The following SLC2A13 variants were observed in gnomAD, a reference collection of about 807,000 sequenced individuals.
SLC2A13 encodes proton myo-inositol cotransporter.
A neutral mutation model predicts 64.4 loss-of-function variants in SLC2A13; 32 were observed. That is an observed-to-expected ratio of 0.50 (90% CI 0.37 to 0.67). SLC2A13 has a LOEUF of 0.67. SLC2A13 is among the 30% of genes least tolerant of loss of function. The probability of loss-of-function intolerance (pLI) is 0.00; values close to 1 mark genes in which losing one functional copy is unlikely to be tolerated. For missense variants in SLC2A13, 743 were observed against 829.2 expected (o/e 0.90, Z 1.28); for synonymous variants, 338 against 327.1 (o/e 1.03, Z -0.36).
chr12:39,995,890 C>T (rs1430004205), intron 3 of SLC2A13, among the ~76,000 whole-genome samples: 3 of 152,222 alleles, frequency 2.0e-5, no homozygotes, highest in African/African-American at 7.2e-5. Flanking sequence ...CTTGCTCCTC[C>T]CTGCCTTCTG....
chr12:40,080,804 C>A (rs1426758527), intron 1 of SLC2A13, among the ~76,000 whole-genome samples: 1 of 152,180 alleles, frequency 6.6e-6, no homozygotes, highest in Non-Finnish European at 1.5e-5. Flanking sequence ...TGTCAGTGGG[C>A]TAGGTACTTA....
At chr12:39,888,168 C>A (rs946394452) in intron 4 of SLC2A13, among the ~76,000 whole-genome samples, 1 of 152,004 alleles carries the variant, frequency 6.6e-6, no homozygotes, top group African/African-American at 2.4e-5. Context: ...TGCTGCCTGC[C>A]CAGTTCATGG....
intron 3 of SLC2A13, among the ~76,000 whole-genome samples, chr12:40,026,485 A>T (rs140003450): frequency 6.0e-4 from 92 of 152,346 alleles, no homozygotes; most frequent in Admixed American, 9.8e-4. Flanking sequence ...ATTTGGTTAT[A>T]TATTCCGAAT....
rs28370732 is a variant in SLC2A13, at chr12:39,977,608, T to C, written c.926-26243A>G. 7.9e-3 allele frequency among the ~76,000 whole-genome samples: 1,208 copies of C among 152,356 alleles called. 8 individuals are homozygous for C. Among genetic ancestry groups the C allele is most frequent in the African/African-American group, 0.027 (1,126 of 41,588 alleles). On this transcript the variant is annotated intron_variant, in intron 3 of 9. Transcript: ENST00000280871. ...GGAGGGAGGTTACAAAATTATTTCC[T>C]TGATGTTGCTACAGCTCAAAATATA...
At chr12:40,084,660 A>G (rs1026234346) in intron 1 of SLC2A13, among the ~76,000 whole-genome samples, 2 of 152,168 alleles carry the variant, frequency 1.3e-5, no homozygotes, top group African/African-American at 4.8e-5. Context: ...TTTTTTTTAA[A>G]TGAATTCATG....
In SLC2A13 at chr12:39,838,519, A is replaced by C. The variant is rs1159931970; in HGVS notation, c.1320-8291T>G. ...AAAAAAATAAATTAAAAAAAAAAAAAAGAAAGGGAGAAAATCTCTGACTTT... is the reference window on the plus strand; with the variant it reads ...AAAAAAATAAATTAAAAAAAAAAAACAGAAAGGGAGAAAATCTCTGACTTT... On this transcript the variant is annotated intron_variant, in intron 6 of 9. Transcript: ENST00000280871. Among the ~76,000 whole-genome samples, 3 of 133,958 alleles carry C rather than the reference A, an allele frequency of 2.2e-5. No individual in the cohort carries two copies. The South Asian group carries it at 7.2e-4, about 32-fold the overall frequency. 87.9% of individuals were successfully genotyped at this position (133,958 alleles called of 152,430 possible).
At chr12:40,041,514 C>T (rs1948090092) in intron 2 of SLC2A13, among the ~76,000 whole-genome samples, 1 of 152,224 alleles carries the variant, frequency 6.6e-6, no homozygotes, top group Admixed American at 6.6e-5. Context: ...CTATATCCAT[C>T]ATTTATTCAA....
intron 3 of SLC2A13, among the ~76,000 whole-genome samples, chr12:39,961,520 A>G (rs1193884936): frequency 6.6e-6 from 1 of 152,142 alleles, no homozygotes; most frequent in Non-Finnish European, 1.5e-5. Flanking sequence ...TTTGTTTATG[A>G]CAGGGTCTCA....
At chr12:40,074,091 A>G (rs905565326) in intron 1 of SLC2A13, among the ~76,000 whole-genome samples, 16 of 150,838 alleles carry the variant, frequency 1.1e-4, no homozygotes, top group African/African-American at 3.9e-4. Flanking sequence ...GTTTTGGAGG[A>G]TTCTTTTAAA....
Position 40,072,596 on chromosome 12 carries a change from G to C in SLC2A13, c.557-24386C>G, listed in dbSNP as rs558771460. Among the ~76,000 whole-genome samples, 34 of 152,158 alleles carry C rather than the reference G, an allele frequency of 2.2e-4. 1 individual carries two copies. The South Asian group carries it at 7.0e-3, about 32-fold the overall frequency. On this transcript the variant is annotated intron_variant, in intron 1 of 9. Coordinates refer to ENST00000280871, the MANE Select transcript of SLC2A13 (RefSeq NM_052885.4). ...TATTAGGCACATAAGGTAAATTGGA[G>C]AACTAACACTTTTACCATTATAGAA...
intron 4 of SLC2A13, among the ~76,000 whole-genome samples, chr12:39,902,845 T>C (rs1945169060): frequency 6.6e-6 from 1 of 152,112 alleles, no homozygotes; most frequent in African/African-American, 2.4e-5. Context: ...ACATTCAAAC[T>C]CAAAGAAATA....
intron 4 of SLC2A13, among the ~76,000 whole-genome samples, chr12:39,945,310 T>C (rs35985096): frequency 0.11 from 16,376 of 152,162 alleles, 937 homozygotes; most frequent in Non-Finnish European, 0.14. Context: ...CATCTTAACT[T>C]TGGGTAACCT....
At chr12:40,101,722 C>T (rs1458134768) in intron 1 of SLC2A13, among the ~76,000 whole-genome samples, 1 of 152,168 alleles carries the variant, frequency 6.6e-6, no homozygotes, top group East Asian at 1.9e-4. Context: ...CCTCACTCAT[C>T]TATGCTTCAA....
intron 4 of SLC2A13, among the ~76,000 whole-genome samples, chr12:39,896,208 GTATA>G (rs1395094380): frequency 6.8e-6 from 1 of 146,730 alleles, no homozygotes; most frequent in East Asian, 2.0e-4. Context: ...ATGTATACAT[GTATA>G]TACGTATACA....
At chr12:39,824,744 AC>A (rs1942622833) in intron 7 of SLC2A13, among the ~76,000 whole-genome samples, 1 of 152,116 alleles carries the variant, frequency 6.6e-6, no homozygotes, top group South Asian at 2.1e-4. Flanking sequence ...ATAGTATGCT[AC>A]ATCCAGGGGA....
rs533326684 is a variant in SLC2A13, at chr12:40,015,393, A to G, written c.925+12908T>C. Among the ~76,000 whole-genome samples the G allele has an allele frequency of 3.9e-5, 6 of 152,328 alleles. No individual in the cohort carries two copies. The East Asian group carries it at 1.2e-3, about 29-fold the overall frequency. On this transcript the variant is annotated intron_variant, in intron 3 of 9. Transcript: ENST00000280871. ...TTCCTTATCAGAACAAGCCTCTGAC[A>G]TCAAGATCCTGTTAATAATTAGGTC...
At chr12:39,829,916 T>C (rs1160532379) in intron 7 of SLC2A13, 187 bp downstream of exon 7, 1 of 745,758 alleles carries the variant, frequency 1.3e-6, no homozygotes, top group Non-Finnish European at 2.1e-6. Flanking sequence ...CTGAGTGCTT[T>C]CTACTCTGTG....
At chr12:39,964,388 A>C (rs1946468800) in intron 3 of SLC2A13, among the ~76,000 whole-genome samples, 1 of 152,246 alleles carries the variant, frequency 6.6e-6, no homozygotes, top group Non-Finnish European at 1.5e-5. Context: ...GTAAAGCATT[A>C]CGTTCATGGA....
intron 6 of SLC2A13, among the ~76,000 whole-genome samples, chr12:39,842,804 G>A (rs977618286): frequency 5.9e-5 from 9 of 151,776 alleles, no homozygotes; most frequent in African/African-American, 1.9e-4. Context: ...TGGCAACCAC[G>A]AATCTACTCT....
Sources: gnomAD v4.1 joint callset for allele counts (sites outside exome capture counted in the v4.1 genomes callset) on GRCh38, gnomAD v4.1.1 for gene constraint, MANE v1.5 for transcripts, NCBI Gene and HGNC (gene_info 2026-07-23, HGNC 2026-07-21) for gene names.